Variants in FCHO2 observed in about 807,000 individuals in gnomAD.
The protein encoded by FCHO2 is FCH and mu domain containing endocytic adaptor 2.
FCHO2 carries 43 observed loss-of-function variants against 114.1 expected under a neutral mutation model. The ratio of observed to expected loss-of-function variants is 0.38; its 90% CI spans 0.30 to 0.49. The LOEUF is 0.49. Ranked by LOEUF, FCHO2 falls within the 20% of genes least tolerant of loss-of-function variation. FCHO2 has a pLI of 0.97. For synonymous variants in FCHO2, 293 were observed against 315.2 expected, an observed-to-expected ratio of 0.93 and a Z score of 0.75; for missense variants, 807 against 950.4, an observed-to-expected ratio of 0.85 and a Z score of 1.98.
intron 2 of FCHO2, among the ~76,000 whole-genome samples, chr5:72,987,764 A>C (rs1349322659): frequency 6.6e-6 from 1 of 152,242 alleles, no homozygotes. Flanking sequence ...ATAGTATTTT[A>C]AAATGACAGA....
intron 8 of FCHO2, 142 bp from the exon 9 acceptor site, chr5:73,034,505 TATTAGGTAAC>T: frequency 2.2e-6 from 1 of 456,812 alleles, no homozygotes; most frequent in East Asian, 3.7e-5. Context: ...ATATTTTAAT[TATTAGGTAAC>T]AACTAGAACC....
intron 5 of FCHO2, among the ~76,000 whole-genome samples, chr5:72,994,095 G>C (rs981925265): frequency 6.6e-6 from 1 of 152,060 alleles, no homozygotes; most frequent in Non-Finnish European, 1.5e-5. Flanking sequence ...TCATGGCAAA[G>C]ACACCAAAAG....
intron 11 of FCHO2, among the ~76,000 whole-genome samples, chr5:73,047,119 T>G (rs143882303): frequency 3.3e-5 from 5 of 152,332 alleles, no homozygotes; most frequent in African/African-American, 1.2e-4. Context: ...GAAGAACACT[T>G]GTATGCCCTT....
intron 1 of FCHO2, among the ~76,000 whole-genome samples, chr5:72,956,409 G>A (rs1751541421): frequency 1.3e-5 from 2 of 151,678 alleles, no homozygotes. Context: ...GGATGGGGCG[G>A]GAGACGGGAC....
intron 8 of FCHO2, among the ~76,000 whole-genome samples, chr5:73,033,186 G>A (rs2112790500): frequency 6.6e-6 from 1 of 152,150 alleles, no homozygotes; most frequent in South Asian, 2.1e-4. Flanking sequence ...ACTCTTTAAG[G>A]CTTTTTTGGA....
chr5:73,013,774 TCTC>T (rs2112735246), intron 6 of FCHO2, among the ~76,000 whole-genome samples: 1 of 152,074 alleles, frequency 6.6e-6, no homozygotes, highest in East Asian at 1.9e-4. Flanking sequence ...TTTAAGGAAT[TCTC>T]CTGGGTTCAA....
intron 5 of FCHO2, among the ~76,000 whole-genome samples, chr5:73,005,577 A>G (rs546082405): frequency 2.6e-5 from 4 of 152,038 alleles, no homozygotes; most frequent in Admixed American, 1.3e-4. Context: ...TTTTAGTCCA[A>G]CCACATCACT....
intron 20 of FCHO2, 117 bp from the exon 21 acceptor site, chr5:73,077,221 C>A: frequency 2.6e-6 from 2 of 760,158 alleles, no homozygotes; most frequent in South Asian, 2.8e-5. Context: ...TATAGATATA[C>A]ACACATATAG....
At chr5:72,971,691 A>G (rs1247723139) in intron 2 of FCHO2, among the ~76,000 whole-genome samples, 3 of 152,072 alleles carry the variant, frequency 2.0e-5, no homozygotes, top group African/African-American at 7.2e-5. Flanking sequence ...GCTGTGCAGA[A>G]GCTCTTGAGT....
intron 1 of FCHO2, among the ~76,000 whole-genome samples, chr5:72,966,454 A>T (rs182772376): frequency 6.0e-4 from 92 of 152,276 alleles, no homozygotes; most frequent in African/African-American, 1.4e-3. Flanking sequence ...ATAAATTTTT[A>T]AAAAAATCTT....
chr5:73,037,087 T>C, intron 9 of FCHO2, 56 bp from the exon 10 acceptor site: 1 of 1,238,412 alleles, frequency 8.1e-7, no homozygotes, highest in Non-Finnish European at 1.1e-6. Context: ...TCCATAAGTT[T>C]AATATGTTTA....
At chr5:72,959,372 G>T (rs1436493443) in intron 1 of FCHO2, among the ~76,000 whole-genome samples, 1 of 152,016 alleles carries the variant, frequency 6.6e-6, no homozygotes, top group Admixed American at 6.6e-5. Flanking sequence ...GCCAAGTGTG[G>T]TGGCATATGC....
chr5:73,021,929 A>G (rs1561455324), intron 8 of FCHO2, among the ~76,000 whole-genome samples: 1 of 152,160 alleles, frequency 6.6e-6, no homozygotes, highest in Non-Finnish European at 1.5e-5. Context: ...TTGTAGGCAC[A>G]CTTTGATTTT....
In FCHO2 at chr5:73,055,706, C is replaced by T. The variant is rs114210561; in HGVS notation, c.1211-359C>T. ...TAATATTCTTAGAACTTGAAAAATG[C>T]ATTCATGATTCATCAGTTAAAATTC... On this transcript the variant is annotated intron_variant, in intron 15 of 25. Coordinates refer to ENST00000430046, the MANE Select transcript of FCHO2 (RefSeq NM_138782.3). 5.0e-3 allele frequency among the ~76,000 whole-genome samples: 759 copies of T among 152,250 alleles called. 6 individuals are homozygous for T. Among genetic ancestry groups the T allele is most frequent in the African/African-American group, 0.017 (719 of 41,562 alleles).
At position 73,015,659 on chromosome 5, in the gene FCHO2, C is replaced by T; in HGVS notation, c.634C>T (p.His212Tyr). Residue 212 changes from histidine to tyrosine, a missense_variant, in exon 7 of 26, where the codon CAC (histidine) becomes TAC (tyrosine). Transcript: ENST00000430046. ...AGATATTGAAGAAACTCATCTCATT[C>T]ACATAAAGGAAATTATAGGATCCTT... ...FQDIEETHLIHIKEIIGSLSN... is the reference protein window; with the variant it reads ...FQDIEETHLIYIKEIIGSLSN... The T allele has an allele frequency of 6.3e-7, 1 of 1,577,614 alleles. No homozygotes were observed. Among genetic ancestry groups the T allele is most frequent in the South Asian group, 1.2e-5 (1 of 83,712 alleles).
chr5:73,062,081 A>G (rs1334122123), intron 17 of FCHO2, among the ~76,000 whole-genome samples: 6 of 152,022 alleles, frequency 3.9e-5, no homozygotes, highest in African/African-American at 4.8e-5. Context: ...TCACAGGTCA[A>G]TTTATATTTC....
chr5:73,035,106 CATTA>C (rs1478529482), intron 9 of FCHO2, among the ~76,000 whole-genome samples: 1 of 152,044 alleles, frequency 6.6e-6, no homozygotes, highest in African/African-American at 2.4e-5. Context: ...GGTAACATTT[CATTA>C]ATTTATGTTA....
chr5:73,028,315 C>T (rs909250329), intron 8 of FCHO2, among the ~76,000 whole-genome samples: 1 of 152,186 alleles, frequency 6.6e-6, no homozygotes, highest in African/African-American at 2.4e-5. Context: ...AATACCTTGG[C>T]AGCTTCTTAG....
chr5:73,017,742 A>G (rs1264472618), intron 8 of FCHO2, among the ~76,000 whole-genome samples: 1 of 152,134 alleles, frequency 6.6e-6, no homozygotes, highest in African/African-American at 2.4e-5. Flanking sequence ...TTAAAATTTA[A>G]TAACTTCTTT....
Sources: gnomAD v4.1 joint callset for allele counts (sites outside exome capture counted in the v4.1 genomes callset) on GRCh38, gnomAD v4.1.1 for gene constraint, MANE v1.5 for transcripts, NCBI Gene and HGNC (gene_info 2026-07-23, HGNC 2026-07-21) for gene names.